The following GSTCD variants were observed in gnomAD, a reference collection of about 807,000 sequenced individuals.
GSTCD encodes the protein glutathione S-transferase C-terminal domain-containing protein.
A neutral mutation model predicts 68.3 loss-of-function variants in GSTCD; 44 were observed. The ratio of observed to expected loss-of-function variants is 0.64; its 90% CI spans 0.51 to 0.83. The LOEUF is 0.83. Among genes scored for constraint, GSTCD ranks in the 40% least tolerant of loss-of-function variants. GSTCD has a pLI of 0.00. For missense variants in GSTCD, 739 were observed against 735.9 expected (o/e 1.00, Z -0.05); for synonymous variants, 273 against 255.2 (o/e 1.07, Z -0.67).
intron 5 of GSTCD, among the ~76,000 whole-genome samples, chr4:105,784,923 A>G (rs765961580): frequency 2.6e-5 from 4 of 152,180 alleles, no homozygotes; most frequent in Non-Finnish European, 5.9e-5. Flanking sequence ...TTCCAAGATT[A>G]TATTGTCCTT....
At chr4:105,757,857 C>G (rs950819454) in intron 5 of GSTCD, among the ~76,000 whole-genome samples, 5 of 152,108 alleles carry the variant, frequency 3.3e-5, no homozygotes, top group African/African-American at 1.2e-4. Context: ...AAGACTATTT[C>G]AATATAAATG....
At chr4:105,715,015 A>G (rs886268851) in intron 1 of GSTCD, among the ~76,000 whole-genome samples, 5 of 152,158 alleles carry the variant, frequency 3.3e-5, no homozygotes, top group Non-Finnish European at 5.9e-5. Context: ...TGAGCCTCGT[A>G]ATTACTATTT....
chr4:105,731,527 C>G (rs1733239681), intron 5 of GSTCD, among the ~76,000 whole-genome samples: 1 of 152,062 alleles, frequency 6.6e-6, no homozygotes, highest in African/African-American at 2.4e-5. Flanking sequence ...ATTTGGCTCT[C>G]TGTCTGTTAT....
intron 5 of GSTCD, among the ~76,000 whole-genome samples, chr4:105,801,441 G>A (rs982346350): frequency 1.8e-4 from 28 of 152,008 alleles, no homozygotes; most frequent in African/African-American, 5.6e-4. Flanking sequence ...GAGTGCAAAC[G>A]TTGTTAAATG....
intron 9 of GSTCD, among the ~76,000 whole-genome samples, chr4:105,836,654 A>G (rs1724134455): frequency 6.6e-6 from 1 of 152,160 alleles, no homozygotes. Context: ...CTGGCATGTC[A>G]GCACCACCTT....
intron 10 of GSTCD, among the ~76,000 whole-genome samples, chr4:105,839,092 C>T (rs1381042123): frequency 6.6e-6 from 1 of 152,132 alleles, no homozygotes; most frequent in East Asian, 1.9e-4. Context: ...CTCACACCTT[C>T]CCCTCTTCCT....
At chr4:105,784,059 T>C (rs898546023) in intron 5 of GSTCD, among the ~76,000 whole-genome samples, 15 of 152,260 alleles carry the variant, frequency 9.9e-5, no homozygotes, top group African/African-American at 3.6e-4. Flanking sequence ...CTAGTTAATA[T>C]GGCACCTGCC....
chr4:105,740,625 A>G (rs1733602715), intron 5 of GSTCD, among the ~76,000 whole-genome samples: 1 of 152,062 alleles, frequency 6.6e-6, no homozygotes, highest in Admixed American at 6.6e-5. Flanking sequence ...ACGTTTTTTC[A>G]TCTAAAACTG....
At chr4:105,773,113 C>T (rs1466928300) in intron 5 of GSTCD, among the ~76,000 whole-genome samples, 1 of 152,114 alleles carries the variant, frequency 6.6e-6, no homozygotes, top group Non-Finnish European at 1.5e-5. Flanking sequence ...GGAATTTATC[C>T]ATTTCTTGTA....
At chr4:105,714,633 A>G (rs942068732) in intron 1 of GSTCD, among the ~76,000 whole-genome samples, 1 of 143,770 alleles carries the variant, frequency 7.0e-6, no homozygotes, top group African/African-American at 2.7e-5. Context: ...ATTCAAGGAG[A>G]GTAATTTTTT....
intron 5 of GSTCD, among the ~76,000 whole-genome samples, chr4:105,733,302 A>G (rs1369418393): frequency 6.6e-6 from 1 of 152,150 alleles, no homozygotes; most frequent in East Asian, 1.9e-4. Flanking sequence ...AAAATCTCCC[A>G]TTATTATTGT....
chr4:105,822,897 T>G, intron 5 of GSTCD, 57 bp from the exon 6 acceptor site: 1 of 1,321,850 alleles, frequency 7.6e-7, no homozygotes, highest in South Asian at 1.2e-5. Context: ...TAAGCGTGTC[T>G]TCTTGTTCCC....
chr4:105,780,452 A>T (rs887869987), intron 5 of GSTCD, among the ~76,000 whole-genome samples: 4 of 152,188 alleles, frequency 2.6e-5, no homozygotes, highest in Admixed American at 2.6e-4. Flanking sequence ...AGCTTACAGG[A>T]AATTTTACTA....
chr4:105,731,930 T>C (rs1733257326), intron 5 of GSTCD, among the ~76,000 whole-genome samples: 1 of 152,242 alleles, frequency 6.6e-6, no homozygotes, highest in Non-Finnish European at 1.5e-5. Context: ...CAAAGGCCTT[T>C]TCTGCATCTA....
chr4:105,733,848 T>C (rs1733348625), intron 5 of GSTCD, among the ~76,000 whole-genome samples: 1 of 152,220 alleles, frequency 6.6e-6, no homozygotes, highest in Non-Finnish European at 1.5e-5. Flanking sequence ...CCATGTTTAG[T>C]GCTTCCTTCA....
At chr4:105,833,169 T>C (rs549768317) in intron 8 of GSTCD, among the ~76,000 whole-genome samples, 2 of 152,296 alleles carry the variant, frequency 1.3e-5, no homozygotes, top group South Asian at 2.1e-4. Flanking sequence ...ATCTGGTTTA[T>C]AATATTTTAC....
At chr4:105,782,593 C>CT (rs34412787) in intron 5 of GSTCD, among the ~76,000 whole-genome samples, 8,983 of 148,436 alleles carry the variant, frequency 0.061, 287 homozygotes, top group Middle Eastern at 0.14. Flanking sequence ...CTTGAGAATC[C>CT]TTTTTTTTTT....
At position 105,751,847 on chromosome 4, in the gene GSTCD, T is replaced by G. The variant is rs534788307; in HGVS notation, c.1240+22348T>G. Among the ~76,000 whole-genome samples the G allele has an allele frequency of 2.6e-5, 4 of 152,278 alleles. No individual in the cohort carries two copies. In the South Asian group the frequency reaches 8.3e-4, roughly 32 times the overall value. On this transcript the variant is annotated intron_variant, in intron 5 of 11. Transcript: ENST00000515279. ...GAAACTAAGTATCTTATTTTGAGTG[T>G]AAAAAATGACTGAGTGAATGAGATC...
At chr4:105,833,086 A>C (rs1160967260) in intron 8 of GSTCD, among the ~76,000 whole-genome samples, 1 of 152,202 alleles carries the variant, frequency 6.6e-6, no homozygotes, top group Non-Finnish European at 1.5e-5. Context: ...AGGATTAAGA[A>C]CAGAGATCTT....
Sources: allele counts gnomAD v4.1 joint callset (sites outside exome capture counted in the v4.1 genomes callset), GRCh38; gene constraint gnomAD v4.1.1; transcripts MANE v1.5; gene names NCBI Gene and HGNC (gene_info 2026-07-23, HGNC 2026-07-21).